FBXO33: variants seen among roughly 807,000 people sequenced by gnomAD.
FBXO33 encodes the protein F-box only protein 33.
A neutral mutation model predicts 46.3 loss-of-function variants in FBXO33; 22 were observed. That is an observed-to-expected ratio of 0.48 (90% CI 0.34 to 0.68). The LOEUF (loss-of-function observed/expected upper bound fraction) is 0.68, where lower values mean the gene tolerates loss of function less well. FBXO33 is among the 30% of genes least tolerant of loss of function. The pLI, the probability that FBXO33 is intolerant of heterozygous loss-of-function variation, is 0.01. For synonymous variants in FBXO33, 337 were observed against 291.3 expected, an observed-to-expected ratio of 1.16 and a Z score of -1.60; for missense variants, 692 against 708.8, an observed-to-expected ratio of 0.98 and a Z score of 0.27.
rs1209866101 is a variant in FBXO33 at position 39,401,855 on chromosome 14, C to A, written c.717G>T (p.Gln239His). The change falls in exon 3 of 4, where the codon CAG (glutamine) becomes CAT (histidine). Residue 239 changes from glutamine to histidine, a missense_variant. Physicochemically the swap from Gln to His is conservative, Grantham distance 24. Around this residue, in one of 3 missense-constraint regions of FBXO33, gnomAD observed 412 missense variants for 370.8 expected, o/e 1.11. Coordinates refer to ENST00000298097, the MANE Select transcript of FBXO33 (RefSeq NM_203301.4). The stretch of plus-strand genomic sequence containing the variant: ...TACTCAGGATTTCTTCAAACAGTTG[C>A]TGAATTCTATAAGGAAAACACATGC... Reference protein sequence around the residue: ...DPDGKKIKQIQQLFEEILSNS... With the variant: ...DPDGKKIKQIHQLFEEILSNS... 1 of 1,608,400 alleles carries A rather than the reference C, an allele frequency of 6.2e-7. No individual in the cohort carries two copies. The highest frequency in any genetic ancestry group is 8.5e-7 in the Non-Finnish European group (1 of 1,176,970).
chr14:39,429,093 C>G (rs1748468590), intron 1 of FBXO33, among the ~76,000 whole-genome samples: 1 of 152,128 alleles, frequency 6.6e-6, no homozygotes. Context: ...AGGAACCAAG[C>G]AAAACAAAAT....
At chr14:39,412,826 G>C (rs964808747) in intron 1 of FBXO33, among the ~76,000 whole-genome samples, 12 of 152,336 alleles carry the variant, frequency 7.9e-5, no homozygotes, top group African/African-American at 2.9e-4. Context: ...TTTATTAAGT[G>C]TGCAACAGCG....
In FBXO33 at chr14:39,431,861, C is replaced by T. The variant is rs1322830016; in HGVS notation, c.302G>A (p.Cys101Tyr). Reference sequence around the variant, plus strand: ...GGGCCACAGGGCCGGATAGAAGAGGCACTCACGCCAGTGCGAGCAGGAGGC... The same window carrying T: ...GGGCCACAGGGCCGGATAGAAGAGGTACTCACGCCAGTGCGAGCAGGAGGC... ...ASASCSHWRE[C>Y]LFYPALWPQL... is the part of the protein sequence containing the mutation. Residue 101 changes from cysteine to tyrosine, a missense_variant, in exon 1 of 4, where the codon TGC becomes TAC. Transcript: ENST00000298097. 1.3e-6 allele frequency: 2 copies of T among 1,589,276 alleles called. No individual in the cohort carries two copies. Among genetic ancestry groups the T allele is most frequent in the Non-Finnish European group, 1.7e-6 (2 of 1,172,536 alleles).
intron 1 of FBXO33, among the ~76,000 whole-genome samples, chr14:39,410,117 G>A (rs1327239702): frequency 6.6e-6 from 1 of 152,136 alleles, no homozygotes; most frequent in Non-Finnish European, 1.5e-5. Context: ...GATCTTAGAG[G>A]AAACGGTTCC....
In FBXO33 at chr14:39,397,723, T is replaced by C. The variant is rs1330880975; in HGVS notation, c.*1793A>G. The C allele has an allele frequency of 2.6e-5, 4 of 152,676 alleles. No individual in the cohort carries two copies. Among genetic ancestry groups the C allele is most frequent in the African/African-American group, 7.2e-5 (3 of 41,476 alleles). 9.5% of individuals were successfully genotyped at this position (152,676 alleles called of 1,614,324 possible). A position where few individuals can be genotyped will look rare whatever the true frequency, so the allele number is the denominator to read the frequency against. On this transcript the variant is annotated 3_prime_UTR_variant, in exon 4 of 4. Coordinates refer to ENST00000298097, the MANE Select transcript of FBXO33 (RefSeq NM_203301.4). Reference sequence around the variant, plus strand: ...GTTTATTTAACACTAAAAGTAGTCATGCTTCATATACAATAAAATATATTA... The same window carrying C: ...GTTTATTTAACACTAAAAGTAGTCACGCTTCATATACAATAAAATATATTA...
At chr14:39,412,104 GT>G (rs1171637110) in intron 1 of FBXO33, among the ~76,000 whole-genome samples, 1 of 152,114 alleles carries the variant, frequency 6.6e-6, no homozygotes, top group African/African-American at 2.4e-5. Context: ...AAAATCCAGT[GT>G]TTCCTCACTG....
rs200413412 is a variant in FBXO33, at chr14:39,399,559, C to G, written c.1625G>C (p.Arg542Pro). ...GCTTTGCATCTCTCTGTAAAAATGA[C>G]GATTTGGTTCAGTGAAGACACTGAG... ...ESLSVFTEPN[R>P]HFYREMQSFS... The change falls in exon 4 of 4, where the codon CGT becomes CCT. Residue 542 changes from arginine to proline, a missense_variant. Coordinates refer to ENST00000298097, the MANE Select transcript of FBXO33 (RefSeq NM_203301.4). 1 of 1,612,262 alleles carries G rather than the reference C, an allele frequency of 6.2e-7. No homozygotes were observed.
chr14:39,406,788 T>C (rs928123511), intron 1 of FBXO33, among the ~76,000 whole-genome samples: 1 of 152,088 alleles, frequency 6.6e-6, no homozygotes, highest in African/African-American at 2.4e-5. Context: ...TGGAAAGCAG[T>C]AGAGTCCACA....
At chr14:39,431,541 G>T in intron 1 of FBXO33, 23 bp downstream of exon 1, 1 of 1,608,078 alleles carries the variant, frequency 6.2e-7, no homozygotes. Context: ...TACCGGGCGG[G>T]GCGGGGCTCA....
intron 1 of FBXO33, among the ~76,000 whole-genome samples, chr14:39,426,749 A>G (rs866293680): frequency 3.3e-4 from 50 of 152,320 alleles, no homozygotes; most frequent in African/African-American, 1.2e-3. Flanking sequence ...AGATCTTCAG[A>G]TGGGCAACGC....
chr14:39,425,935 A>C (rs2075510779), intron 1 of FBXO33, among the ~76,000 whole-genome samples: 1 of 152,162 alleles, frequency 6.6e-6, no homozygotes, highest in Non-Finnish European at 1.5e-5. Context: ...ACCGGCCTAT[A>C]ACAGTACTCC....
At chr14:39,403,929 G>A (rs1315087795) in intron 1 of FBXO33, among the ~76,000 whole-genome samples, 1 of 151,816 alleles carries the variant, frequency 6.6e-6, no homozygotes, top group Non-Finnish European at 1.5e-5. Context: ...AGCCTCCTGA[G>A]TAGCTGGGAC....
At chr14:39,427,765 C>T (rs1226425285) in intron 1 of FBXO33, among the ~76,000 whole-genome samples, 1 of 151,964 alleles carries the variant, frequency 6.6e-6, no homozygotes, top group African/African-American at 2.4e-5. Flanking sequence ...ACAGTGAGAT[C>T]CTGTCTTTAC....
intron 1 of FBXO33, among the ~76,000 whole-genome samples, chr14:39,428,192 A>T (rs1230310144): frequency 6.6e-6 from 1 of 152,168 alleles, no homozygotes; most frequent in East Asian, 1.9e-4. Flanking sequence ...GGTCTGTTAC[A>T]ATATGCATTC....
At chr14:39,410,200 T>C (rs928294864) in intron 1 of FBXO33, among the ~76,000 whole-genome samples, 1 of 152,220 alleles carries the variant, frequency 6.6e-6, no homozygotes, top group Non-Finnish European at 1.5e-5. Flanking sequence ...TTTAGTATGT[T>C]GAGGTACATT....
chr14:39,418,557 T>C (rs1446783123), intron 1 of FBXO33, among the ~76,000 whole-genome samples: 3 of 149,742 alleles, frequency 2.0e-5, no homozygotes, highest in East Asian at 2.0e-4. Context: ...AGGTGGATCA[T>C]GAGGTCAGGA....
At position 39,398,615 on chromosome 14, in the gene FBXO33, T is replaced by A. The variant is rs1001894710; in HGVS notation, c.*901A>T. On this transcript the variant is annotated 3_prime_UTR_variant, in exon 4 of 4. Transcript: ENST00000298097. ...CAGAGTGGGCCGGCCCCTGCCAGCATGTGGGCACTTCTTCATTAAGTCTAT... is the reference window on the plus strand; with the variant it reads ...CAGAGTGGGCCGGCCCCTGCCAGCAAGTGGGCACTTCTTCATTAAGTCTAT... 6.6e-6 allele frequency: 1 copy of A among 152,656 alleles called. No homozygotes were observed. The highest frequency in any genetic ancestry group is 2.4e-5 in the African/African-American group (1 of 41,462). The allele number at this position is 152,656 out of a possible 1,614,324, so 9.5% of individuals were successfully genotyped here.
chr14:39,410,408 T>G (rs79762389), intron 1 of FBXO33, among the ~76,000 whole-genome samples: 4,181 of 152,324 alleles, frequency 0.027, 173 homozygotes, highest in African/African-American at 0.094. Context: ...ACGATCCTTT[T>G]AATGTGCTGT....
chr14:39,401,947 A>G (rs2075370633), intron 2 of FBXO33, 86 bp from the exon 3 acceptor site: 1 of 1,106,760 alleles, frequency 9.0e-7, no homozygotes, highest in Non-Finnish European at 1.3e-6. Context: ...GGCAATGAAA[A>G]GCATGCAATT....
Sources: allele counts gnomAD v4.1 joint callset (sites outside exome capture counted in the v4.1 genomes callset), GRCh38; gene constraint gnomAD v4.1.1; regional missense constraint gnomAD v4.1.1; transcripts MANE v1.5; gene names NCBI Gene and HGNC (gene_info 2026-07-23, HGNC 2026-07-21).